PRKACB: variants seen among roughly 807,000 people sequenced by gnomAD.
The protein encoded by PRKACB is cAMP-dependent protein kinase catalytic subunit beta.
Under a neutral mutation model 51.4 loss-of-function variants are expected in PRKACB, and 16 were observed. The ratio of observed to expected loss-of-function variants is 0.31; its 90% CI spans 0.21 to 0.47. PRKACB has a LOEUF of 0.47. PRKACB is among the 20% of genes least tolerant of loss of function. The pLI is 1.00. For synonymous variants in PRKACB, 147 were observed against 154.4 expected, an observed-to-expected ratio of 0.95 and a Z score of 0.35; for missense variants, 309 against 464.5, an observed-to-expected ratio of 0.67 and a Z score of 3.08.
At chr1:84,206,836 C>G (rs1354674365) in intron 8 of PRKACB, among the ~76,000 whole-genome samples, 1 of 152,192 alleles carries the variant, frequency 6.6e-6, no homozygotes, top group Non-Finnish European at 1.5e-5. Flanking sequence ...CCAGACATCT[C>G]TCAAGGGCCA....
intron 1 of PRKACB, among the ~76,000 whole-genome samples, chr1:84,126,336 G>A (rs6689844): frequency 0.47 from 71,463 of 151,608 alleles, 17,517 homozygotes; most frequent in Non-Finnish European, 0.56. Flanking sequence ...AGTGGCTCTT[G>A]GCAGGATGGG....
intron 1 of PRKACB, among the ~76,000 whole-genome samples, chr1:84,109,881 G>A (rs1460035270): frequency 6.6e-6 from 1 of 151,518 alleles, no homozygotes; most frequent in Non-Finnish European, 1.5e-5. Flanking sequence ...ACCCTTTTCT[G>A]ATTATATATG....
chr1:84,219,275 A>G (rs1301488576), intron 9 of PRKACB, among the ~76,000 whole-genome samples: 1 of 149,896 alleles, frequency 6.7e-6, no homozygotes, highest in East Asian at 2.0e-4. Flanking sequence ...CCCAGGCTAG[A>G]GTGCAACGGT....
chr1:84,131,511 GAA>G (rs1211036605), intron 1 of PRKACB, among the ~76,000 whole-genome samples: 2 of 152,272 alleles, frequency 1.3e-5, no homozygotes, highest in African/African-American at 4.8e-5. Flanking sequence ...AAAACAGAGA[GAA>G]GAGACTCCAT....
chr1:84,223,223 T>C (rs958458326), intron 9 of PRKACB, among the ~76,000 whole-genome samples: 7 of 152,172 alleles, frequency 4.6e-5, no homozygotes, highest in Non-Finnish European at 8.8e-5. Flanking sequence ...TTATTCTTTT[T>C]TGGTGGGTCT....
At chr1:84,172,372 A>T (rs1412929543) in intron 1 of PRKACB, among the ~76,000 whole-genome samples, 1 of 151,748 alleles carries the variant, frequency 6.6e-6, no homozygotes, top group African/African-American at 2.4e-5. Flanking sequence ...GAGCATTTCA[A>T]AGATTGCCTG....
At chr1:84,182,162 A>C in intron 2 of PRKACB, 38 bp from the exon 3 acceptor site, 2 of 1,374,976 alleles carry the variant, frequency 1.5e-6, no homozygotes, top group Non-Finnish European at 2.0e-6. Flanking sequence ...TAGTGTTTTT[A>C]CGAGAATTTT....
At chr1:84,117,454 T>C (rs1325136353) in intron 1 of PRKACB, among the ~76,000 whole-genome samples, 1 of 152,194 alleles carries the variant, frequency 6.6e-6, no homozygotes, top group African/African-American at 2.4e-5. Context: ...ATTGAGATAC[T>C]TTTTATTACT....
chr1:84,189,141 G>A (rs1339036719), intron 5 of PRKACB, among the ~76,000 whole-genome samples: 14 of 151,692 alleles, frequency 9.2e-5, no homozygotes, highest in Non-Finnish European at 2.9e-5. Flanking sequence ...CCCATTTAGA[G>A]CTTTCCATTA....
At position 84,237,790 on chromosome 1, in the gene PRKACB, A is replaced by G. The variant is rs1676785139; in HGVS notation, c.*2485A>G. ...GCTCAGTAAATAATTAAGAGATGGC[A>G]TTGTGTAAGAAGGAGCCCTAGACTG... On this transcript the variant is annotated 3_prime_UTR_variant, in exon 10 of 10. Coordinates refer to ENST00000370685, the MANE Select transcript of PRKACB (RefSeq NM_182948.4). 6.6e-6 allele frequency: 1 copy of G among 152,198 alleles called. No individual in the cohort carries two copies. The highest frequency in any genetic ancestry group is 1.5e-5 in the Non-Finnish European group (1 of 68,008). The allele number at this position is 152,198 out of a possible 1,614,324, so 9.4% of individuals were successfully genotyped here.
chr1:84,106,235 A>G (rs1312295901), intron 1 of PRKACB, among the ~76,000 whole-genome samples: 1 of 152,110 alleles, frequency 6.6e-6, no homozygotes, highest in Non-Finnish European at 1.5e-5. Flanking sequence ...CCTCCTAGTC[A>G]ACATAGTGTT....
intron 6 of PRKACB, among the ~76,000 whole-genome samples, chr1:84,197,334 C>T (rs926271723): frequency 2.6e-5 from 4 of 152,126 alleles, no homozygotes; most frequent in Non-Finnish European, 4.4e-5. Context: ...CTCCCATTGA[C>T]GTTTTTACAC....
chr1:84,192,008 A>G (rs767285732), intron 5 of PRKACB, among the ~76,000 whole-genome samples: 2 of 152,252 alleles, frequency 1.3e-5, no homozygotes, highest in African/African-American at 2.4e-5. Flanking sequence ...ATATATGTAC[A>G]TATGCATAAA....
At chr1:84,177,721 G>A (rs1367297873) in intron 1 of PRKACB, among the ~76,000 whole-genome samples, 2 of 151,970 alleles carry the variant, frequency 1.3e-5, no homozygotes, top group Non-Finnish European at 2.9e-5. Flanking sequence ...CAGCCTGAGT[G>A]ACAGAGCAAG....
chr1:84,175,194 A>G (rs781687100), intron 1 of PRKACB: 9 of 888,972 alleles, frequency 1.0e-5, no homozygotes, highest in African/African-American at 3.6e-5. Flanking sequence ...GATGAAGGAA[A>G]TAGTTTGTTT....
At chr1:84,180,853 G>C (rs1268295994) in intron 2 of PRKACB, among the ~76,000 whole-genome samples, 1 of 151,854 alleles carries the variant, frequency 6.6e-6, no homozygotes, top group East Asian at 1.9e-4. Context: ...GAAAAGCAAT[G>C]AAAAAAGCAT....
intron 1 of PRKACB, among the ~76,000 whole-genome samples, chr1:84,172,231 G>A (rs552063461): frequency 1.3e-5 from 2 of 151,650 alleles, no homozygotes; most frequent in African/African-American, 2.4e-5. Context: ...ACTCCATATT[G>A]TCGGGAAACA....
At chr1:84,173,279 G>T in intron 1 of PRKACB, 1 of 1,442,642 alleles carries the variant, frequency 6.9e-7, no homozygotes, top group Middle Eastern at 1.7e-4. Context: ...CTTCTTGTAG[G>T]TATGTTATTT....
chr1:84,215,531 G>A (rs610373), intron 9 of PRKACB, among the ~76,000 whole-genome samples: 2,833 of 152,212 alleles, frequency 0.019, 99 homozygotes, highest in African/African-American at 0.063. Context: ...AGAAATTCAG[G>A]CAACTTGAAG....
Sources: allele counts gnomAD v4.1 joint callset (sites outside exome capture counted in the v4.1 genomes callset), GRCh38; gene constraint gnomAD v4.1.1; transcripts MANE v1.5; gene names NCBI Gene and HGNC (gene_info 2026-07-23, HGNC 2026-07-21).